The following SYTL2 variants were observed in gnomAD, a reference collection of about 807,000 sequenced individuals.
The protein encoded by SYTL2 is synaptotagmin like 2, also known as synaptotagmin-like protein 2.
SYTL2 carries 165 observed loss-of-function variants against 198.7 expected under a neutral mutation model. That is an observed-to-expected ratio of 0.83 (90% CI 0.73 to 0.94). The LOEUF (loss-of-function observed/expected upper bound fraction) is 0.94, where lower values mean the gene tolerates loss of function less well. SYTL2 is among the 40% of genes least tolerant of loss of function. The probability of loss-of-function intolerance (pLI) is 0.00; values close to 1 mark genes in which losing one functional copy is unlikely to be tolerated. For synonymous variants in SYTL2, 966 were observed against 917.7 expected (o/e 1.05, Z -0.95); for missense variants, 2,835 against 2,582.8 (o/e 1.10, Z -2.12).
chr11:85,850,861 T>C, the SYTL2 span, among the ~76,000 whole-genome samples: 2 of 149,058 alleles, frequency 1.3e-5, no homozygotes, highest in Non-Finnish European at 3.0e-5. Context: ...AAATGATGAG[T>C]TCATGTCCTT....
chr11:85,727,888 G>A lies in SYTL2; in HGVS notation c.1470C>T (p.Pro490=), dbSNP rs1298166430. 1 of 1,613,536 alleles carries A rather than the reference G, an allele frequency of 6.2e-7. No homozygotes were observed. Among genetic ancestry groups the A allele is most frequent in the Admixed American group, 1.7e-5 (1 of 59,916 alleles). ...GSSRDRQQGK[P]PPLPALKAKT... ...TAGCTTTTAGAGCCGGGAGAGGAGG[G>A]GGCTTACCTTGCTGACGGTCTCTAG... is the stretch of plus-strand genomic sequence containing the variant. The change falls in exon 8 of 20, where the codon CCC becomes CCT. Residue 490 remains proline, a synonymous_variant. Transcript: ENST00000359152.
chr11:85,715,891 T>A (rs947943130), intron 11 of SYTL2, among the ~76,000 whole-genome samples: 4 of 152,196 alleles, frequency 2.6e-5, no homozygotes, highest in African/African-American at 7.2e-5. Flanking sequence ...GCTATGAAGG[T>A]CAAATTCAAT....
chr11:85,813,769 T>C (rs1174135461), upstream of SYTL2, among the ~76,000 whole-genome samples: 2 of 148,798 alleles, frequency 1.3e-5, no homozygotes, highest in Non-Finnish European at 3.0e-5. Flanking sequence ...CTCACTTTGT[T>C]GCCCAGGCAG....
chr11:85,697,995 T>C lies in SYTL2; in HGVS notation c.6352A>G (p.Asn2118Asp). The C allele has an allele frequency of 6.2e-7, 1 of 1,611,682 alleles. No homozygotes were observed. The highest frequency in any genetic ancestry group is 8.5e-7 in the Non-Finnish European group (1 of 1,177,876). ...DLPLLRGSHLNSFVKCTILPD... is the reference protein window; with the variant it reads ...DLPLLRGSHLDSFVKCTILPD... ...TACTATTACCATTTAACAAAAGAATTTAGATGACTTCCCCTTAGCAGTGGT... is the reference window on the plus strand; with the variant it reads ...TACTATTACCATTTAACAAAAGAATCTAGATGACTTCCCCTTAGCAGTGGT... Residue 2118 changes from asparagine to aspartate, a missense_variant, in exon 18 of 20, where the codon AAT becomes GAT. Physicochemically the swap from Asn to Asp is conservative, Grantham distance 23. Around this residue, in one of 3 missense-constraint regions of SYTL2, gnomAD observed 185 missense variants for 182.1 expected, o/e 1.02. Transcript: ENST00000359152.
chr11:85,817,891 T>C, the SYTL2 span, among the ~76,000 whole-genome samples: 6 of 149,350 alleles, frequency 4.0e-5, no homozygotes, highest in Non-Finnish European at 8.8e-5. Context: ...AGAAGGACCT[T>C]TGTGTCTTTT....
chr11:85,774,315 A>G (rs1005570531), intron 1 of SYTL2, among the ~76,000 whole-genome samples: 3 of 152,202 alleles, frequency 2.0e-5, no homozygotes, highest in Admixed American at 2.0e-4. Flanking sequence ...CCCGCATTTT[A>G]TCAATGAGGA....
chr11:85,705,779 C>A (rs1269227735), intron 15 of SYTL2, among the ~76,000 whole-genome samples: 3 of 152,158 alleles, frequency 2.0e-5, no homozygotes, highest in Non-Finnish European at 4.4e-5. Flanking sequence ...CTGAGCTTAA[C>A]ATTTAAATTA....
intron 1 of SYTL2, among the ~76,000 whole-genome samples, chr11:85,771,585 T>C (rs1444760564): frequency 2.0e-5 from 3 of 152,196 alleles, no homozygotes; most frequent in Non-Finnish European, 4.4e-5. Context: ...TGCAACAGAA[T>C]TCCCTCGCTT....
At chr11:85,751,128 C>T (rs914586237) in intron 2 of SYTL2, among the ~76,000 whole-genome samples, 2 of 152,274 alleles carry the variant, frequency 1.3e-5, no homozygotes, top group Admixed American at 6.5e-5. Context: ...GGGTTTCTGG[C>T]TCACTTGTTT....
At position 85,725,379 on chromosome 11, in the gene SYTL2, G is replaced by A. The variant is rs544924720; in HGVS notation, c.3979C>T (p.Pro1327Ser). 15 of 1,613,954 alleles carry A rather than the reference G, an allele frequency of 9.3e-6. No homozygotes were observed. In the South Asian group the frequency reaches 1.3e-4, roughly 14 times the overall value. ...RKGSFGDVASPPQDMLFPQDA... is the reference protein window; with the variant it reads ...RKGSFGDVASSPQDMLFPQDA... ...TGGGGAAAAAGCATATCTTGGGGAG[G>A]GCTGGCCACATCCCCAAAAGAACCC... is the stretch of plus-strand genomic sequence containing the variant. Residue 1327 changes from proline to serine, a missense_variant, in exon 8 of 20, where the codon CCT becomes TCT. This residue lies in a region of SYTL2 where 2,645 missense variants were observed against 2,381.7 expected (regional missense o/e 1.11). Coordinates refer to ENST00000359152, the MANE Select transcript of SYTL2 (RefSeq NM_206927.4).
At chr11:85,722,345 T>C (rs978784355) in intron 8 of SYTL2, among the ~76,000 whole-genome samples, 2 of 151,922 alleles carry the variant, frequency 1.3e-5, no homozygotes, top group African/African-American at 2.4e-5. Flanking sequence ...GGCTACTTTA[T>C]TGTATTTTTT....
upstream of SYTL2, among the ~76,000 whole-genome samples, chr11:85,812,463 A>G (rs544766150): frequency 7.9e-5 from 12 of 152,360 alleles, no homozygotes; most frequent in African/African-American, 2.6e-4. Flanking sequence ...AGCATGCCAC[A>G]TGCAAAAGAG....
At chr11:85,807,478 T>C (rs990180366) in intron 1 of SYTL2, among the ~76,000 whole-genome samples, 7 of 152,238 alleles carry the variant, frequency 4.6e-5, no homozygotes, top group African/African-American at 1.4e-4. Flanking sequence ...CTTATAGTGA[T>C]TCTGGTAAGT....
chr11:85,702,736 G>T (rs1449627749), intron 16 of SYTL2, among the ~76,000 whole-genome samples: 1 of 152,102 alleles, frequency 6.6e-6, no homozygotes, highest in Admixed American at 6.6e-5. Context: ...TTCCTAGAAC[G>T]TTCTCATATG....
chr11:85,738,639 C>G (rs892632023), intron 4 of SYTL2, among the ~76,000 whole-genome samples: 6 of 152,182 alleles, frequency 3.9e-5, no homozygotes, highest in African/African-American at 1.4e-4. Context: ...ACCAATAGCT[C>G]AGAACCAGAA....
chr11:85,756,912 C>A (rs2091898207), intron 2 of SYTL2, among the ~76,000 whole-genome samples: 1 of 152,214 alleles, frequency 6.6e-6, no homozygotes, highest in Non-Finnish European at 1.5e-5. Context: ...AACTTACATT[C>A]AGGAAGCCTG....
At chr11:85,741,549 T>C (rs1373182446) in intron 4 of SYTL2, among the ~76,000 whole-genome samples, 1 of 152,216 alleles carries the variant, frequency 6.6e-6, no homozygotes, top group East Asian at 1.9e-4. Context: ...TAAATGACTT[T>C]GTAGGCCAGG....
At chr11:85,776,657 C>T (rs2092456890) in intron 1 of SYTL2, among the ~76,000 whole-genome samples, 1 of 152,172 alleles carries the variant, frequency 6.6e-6, no homozygotes, top group Admixed American at 6.5e-5. Context: ...CACTGATGGA[C>T]ATTTGGGCTG....
intron 7 of SYTL2, among the ~76,000 whole-genome samples, chr11:85,732,777 A>T (rs1427189243): frequency 6.6e-6 from 1 of 152,174 alleles, no homozygotes; most frequent in African/African-American, 2.4e-5. Context: ...AGCAAACTTG[A>T]TTGTTGCTAT....
Sources: allele counts gnomAD v4.1 joint callset (sites outside exome capture counted in the v4.1 genomes callset), GRCh38; gene constraint gnomAD v4.1.1; regional missense constraint gnomAD v4.1.1; transcripts MANE v1.5; gene names NCBI Gene and HGNC (gene_info 2026-07-23, HGNC 2026-07-21).